Variants in DNAH8 observed in about 807,000 individuals in gnomAD.
DNAH8 encodes the protein dynein axonemal heavy chain 8, also known as axonemal beta dynein heavy chain 8.
DNAH8 carries 382 observed loss-of-function variants against 562.1 expected under a neutral mutation model. The ratio of observed to expected loss-of-function variants is 0.68; its 90% CI spans 0.63 to 0.74. The LOEUF (loss-of-function observed/expected upper bound fraction) is 0.74, where lower values mean the gene tolerates loss of function less well. DNAH8 is among the 30% of genes least tolerant of loss of function. The pLI is 0.00. For missense variants in DNAH8, 5,203 were observed against 5,620.4 expected, an observed-to-expected ratio of 0.93 and a Z score of 2.37; for synonymous variants, 1,881 against 1,919.4, an observed-to-expected ratio of 0.98 and a Z score of 0.52.
At chr6:38,781,400 G>A in intron 16 of DNAH8, 27 bp downstream of exon 16, 2 of 1,610,294 alleles carry the variant, frequency 1.2e-6, no homozygotes, top group South Asian at 2.2e-5. Context: ...ATTTTAATAT[G>A]TGGATTTTGG....
At chr6:38,885,523 C>A (rs1400794519) in intron 56 of DNAH8, among the ~76,000 whole-genome samples, 3 of 152,282 alleles carry the variant, frequency 2.0e-5, no homozygotes, top group Middle Eastern at 3.4e-3. Context: ...TGGTCAACAT[C>A]CTCCAAAGAG....
intron 33 of DNAH8, among the ~76,000 whole-genome samples, 157 bp downstream of exon 33, chr6:38,838,199 A>G (rs931597964): frequency 1.3e-4 from 20 of 152,334 alleles, no homozygotes; most frequent in Non-Finnish European, 2.2e-4. Context: ...TACAAATTGG[A>G]CACACAGTCT....
intron 88 of DNAH8, among the ~76,000 whole-genome samples, chr6:38,999,098 T>TC (rs1765320317): frequency 6.6e-6 from 1 of 152,190 alleles, no homozygotes; most frequent in East Asian, 1.9e-4. Context: ...TCACAGTGGA[T>TC]CAGCTTTTCA....
intron 82 of DNAH8, among the ~76,000 whole-genome samples, chr6:38,961,750 A>G (rs1482363560): frequency 6.6e-6 from 1 of 152,058 alleles, no homozygotes; most frequent in Non-Finnish European, 1.5e-5. Flanking sequence ...ATTGGCGAAC[A>G]ACTAGAGACA....
intron 88 of DNAH8, among the ~76,000 whole-genome samples, chr6:38,997,780 G>T (rs1271584215): frequency 1.3e-5 from 2 of 152,094 alleles, no homozygotes; most frequent in East Asian, 3.9e-4. Context: ...TTTGTTTTGA[G>T]ATAGTCTTAC....
intron 91 of DNAH8, 60 bp from the exon 92 acceptor site, chr6:39,026,486 C>T: frequency 6.5e-7 from 1 of 1,533,656 alleles, no homozygotes; most frequent in Non-Finnish European, 8.8e-7. Flanking sequence ...ACATTGCTTC[C>T]TTCTTGTTTT....
intron 60 of DNAH8, among the ~76,000 whole-genome samples, chr6:38,897,173 A>T (rs1779760990): frequency 6.6e-6 from 1 of 152,166 alleles, no homozygotes; most frequent in African/African-American, 2.4e-5. Context: ...CTGATTTTTC[A>T]TTTTTAAATA....
At chr6:38,901,756 A>G (rs768064062) in intron 62 of DNAH8, among the ~76,000 whole-genome samples, 3 of 152,262 alleles carry the variant, frequency 2.0e-5, no homozygotes, top group Non-Finnish European at 4.4e-5. Context: ...GAAAAATAAA[A>G]ATTGAACAAA....
chr6:38,966,359 C>T (rs1272260612), intron 82 of DNAH8, among the ~76,000 whole-genome samples: 1 of 152,110 alleles, frequency 6.6e-6, no homozygotes, highest in Non-Finnish European at 1.5e-5. Context: ...AAAATTCACA[C>T]AAAAGGAATC....
At chr6:38,779,476 G>A (rs1274142489) in intron 14 of DNAH8, among the ~76,000 whole-genome samples, 1 of 152,058 alleles carries the variant, frequency 6.6e-6, no homozygotes, top group African/African-American at 2.4e-5. Context: ...AGTATTTCCT[G>A]TGTGTCATTC....
Position 38,741,944 on chromosome 6 carries a change from A to G in DNAH8, c.1293+57A>G, listed in dbSNP as rs76599654. ...CTTCAGAACAAGCAACTAGAAAATT[A>G]TCCTATTGAACTACTTCTTAGTATA... On this transcript the variant is annotated intron_variant, in intron 8 of 92. Transcript: ENST00000327475. The G allele has an allele frequency of 2.5e-3, 3,586 of 1,463,384 alleles. 30 individuals are homozygous for G. Among genetic ancestry groups the G allele is most frequent in the African/African-American group, 0.022 (1,587 of 71,106 alleles). The allele number at this position is 1,463,384 out of a possible 1,614,324, so 90.6% of individuals were successfully genotyped here.
chr6:38,770,298 A>AAG, intron 11 of DNAH8, 115 bp from the exon 12 acceptor site: 2 of 597,370 alleles, frequency 3.3e-6, no homozygotes, highest in Non-Finnish European at 2.7e-6. Flanking sequence ...ATAAAAAAAA[A>AAG]CTATACAGAT....
intron 79 of DNAH8, among the ~76,000 whole-genome samples, chr6:38,944,220 C>T (rs991066031): frequency 1.3e-5 from 2 of 152,154 alleles, no homozygotes; most frequent in South Asian, 2.1e-4. Flanking sequence ...TCCAGTGAGA[C>T]CTGCTCTGTC....
At chr6:38,771,116 G>A (rs573888485) in intron 12 of DNAH8, among the ~76,000 whole-genome samples, 17 of 152,310 alleles carry the variant, frequency 1.1e-4, no homozygotes, top group Non-Finnish European at 2.1e-4. Context: ...TGAAAAGTCT[G>A]TAAAGATCTC....
chr6:38,951,049 C>T (rs1761869240), intron 81 of DNAH8, among the ~76,000 whole-genome samples: 1 of 152,142 alleles, frequency 6.6e-6, no homozygotes, highest in Admixed American at 6.5e-5. Flanking sequence ...GGCAGGTCAG[C>T]CCCTACCATG....
chr6:38,974,025 A>C (rs1044185338), intron 84 of DNAH8, among the ~76,000 whole-genome samples: 1 of 152,146 alleles, frequency 6.6e-6, no homozygotes, highest in Non-Finnish European at 1.5e-5. Flanking sequence ...CTTAGTACTA[A>C]TTTATTGAGT....
intron 25 of DNAH8, among the ~76,000 whole-genome samples, chr6:38,814,748 A>G (rs1334041262): frequency 6.6e-6 from 1 of 152,184 alleles, no homozygotes; most frequent in African/African-American, 2.4e-5. Context: ...AGTTGTCCAG[A>G]TCCCTACCTC....
chr6:38,845,334 A>G (rs932475457), intron 35 of DNAH8, among the ~76,000 whole-genome samples: 7 of 152,230 alleles, frequency 4.6e-5, no homozygotes, highest in Non-Finnish European at 7.3e-5. Flanking sequence ...TTTAAGTTCC[A>G]TTGTTTCATG....
chr6:38,829,900 A>G (rs887854965), intron 30 of DNAH8, among the ~76,000 whole-genome samples: 3 of 151,622 alleles, frequency 2.0e-5, no homozygotes, highest in African/African-American at 7.3e-5. Context: ...TTAAACAACA[A>G]CTCTCCATTT....
Sources: allele counts gnomAD v4.1 joint callset (sites outside exome capture counted in the v4.1 genomes callset), GRCh38; gene constraint gnomAD v4.1.1; transcripts MANE v1.5; gene names NCBI Gene and HGNC (gene_info 2026-07-23, HGNC 2026-07-21).